GPC6: variants seen among roughly 807,000 people sequenced by gnomAD.
GPC6 encodes the protein glypican-6.
In GPC6, 14 loss-of-function variants were observed where a neutral mutation model predicts 55.2. That is an observed-to-expected ratio of 0.25 (90% CI 0.17 to 0.40). GPC6 has a LOEUF of 0.40. GPC6 is among the 10% of genes least tolerant of loss of function. GPC6 has a pLI of 1.00. For missense variants in GPC6, 641 were observed against 708.5 expected (o/e 0.90, Z 1.08); for synonymous variants, 278 against 259.6 (o/e 1.07, Z -0.68).
chr13:93,505,908 C>A (rs1469334522), intron 1 of GPC6, among the ~76,000 whole-genome samples: 1 of 152,160 alleles, frequency 6.6e-6, no homozygotes, highest in African/African-American at 2.4e-5. Flanking sequence ...ACAGGACCTG[C>A]AAACATTGAG....
intron 3 of GPC6, among the ~76,000 whole-genome samples, chr13:93,843,049 C>G (rs59283174): frequency 0.034 from 5,125 of 148,600 alleles, 265 homozygotes; most frequent in East Asian, 0.17. Flanking sequence ...ATTTTAACAT[C>G]ACATGCATTT....
At position 93,442,656 on chromosome 13, in the gene GPC6, C is replaced by A. The variant is rs550238629; in HGVS notation, c.161-102607C>A. On this transcript the variant is annotated intron_variant, in intron 1 of 8. Coordinates refer to ENST00000377047, the MANE Select transcript of GPC6 (RefSeq NM_005708.5). ...CACAGCGATGACTACGAATGTCTTT[C>A]ATTTCTTATCCCCAAACATATTATA... is the stretch of plus-strand genomic sequence containing the variant. 5.2e-3 allele frequency among the ~76,000 whole-genome samples: 786 copies of A among 152,246 alleles called. 2 individuals are homozygous for A. Among genetic ancestry groups the A allele is most frequent in the Middle Eastern group, 0.014 (4 of 294 alleles).
At chr13:94,163,927 T>C (rs2138917795) in intron 4 of GPC6, among the ~76,000 whole-genome samples, 1 of 152,200 alleles carries the variant, frequency 6.6e-6, no homozygotes, top group East Asian at 1.9e-4. Context: ...AGAATAAATA[T>C]GCAGTGTGTA....
intron 2 of GPC6, among the ~76,000 whole-genome samples, chr13:93,577,873 G>C (rs941898990): frequency 5.9e-5 from 9 of 151,930 alleles, no homozygotes; most frequent in African/African-American, 2.2e-4. Context: ...ATTATGTTGA[G>C]GTATGTTCCT....
intron 3 of GPC6, among the ~76,000 whole-genome samples, chr13:93,962,320 A>G (rs1041295346): frequency 2.0e-5 from 3 of 152,174 alleles, no homozygotes; most frequent in African/African-American, 7.2e-5. Context: ...GTTGAAATTA[A>G]TTATTGATAA....
chr13:93,365,707 G>A (rs768301573), intron 1 of GPC6, among the ~76,000 whole-genome samples: 3 of 151,898 alleles, frequency 2.0e-5, no homozygotes, highest in Non-Finnish European at 4.4e-5. Flanking sequence ...TGTGATTCTG[G>A]CAGTGGGAAA....
At chr13:93,468,727 A>G (rs1879002934) in intron 1 of GPC6, among the ~76,000 whole-genome samples, 1 of 152,226 alleles carries the variant, frequency 6.6e-6, no homozygotes. Flanking sequence ...AGAAGAAGGA[A>G]TACCTAAGGT....
intron 3 of GPC6, among the ~76,000 whole-genome samples, chr13:93,843,394 GAA>G (rs1328853693): frequency 6.6e-6 from 1 of 151,984 alleles, no homozygotes; most frequent in African/African-American, 2.4e-5. Flanking sequence ...CCATAACTTA[GAA>G]ACAGTTTTCA....
chr13:94,045,744 T>TAA (rs1594692144), intron 4 of GPC6, among the ~76,000 whole-genome samples: 1 of 132,342 alleles, frequency 7.6e-6, no homozygotes, highest in African/African-American at 2.8e-5. Flanking sequence ...TCATGGATTT[T>TAA]CAAAAAAAAA....
intron 6 of GPC6, among the ~76,000 whole-genome samples, chr13:94,318,502 G>A (rs969016178): frequency 8.5e-5 from 13 of 152,212 alleles, no homozygotes; most frequent in Middle Eastern, 6.8e-3. Flanking sequence ...TCTCTCGTGC[G>A]TGCGCTCTCT....
intron 6 of GPC6, among the ~76,000 whole-genome samples, chr13:94,351,705 C>A (rs1249344485): frequency 2.0e-5 from 3 of 152,054 alleles, no homozygotes; most frequent in Admixed American, 2.0e-4. Context: ...ATGACCTTAA[C>A]CCCCCACCCT....
At chr13:94,343,255 C>G (rs1445166413) in intron 6 of GPC6, among the ~76,000 whole-genome samples, 3 of 152,148 alleles carry the variant, frequency 2.0e-5, no homozygotes, top group African/African-American at 7.2e-5. Context: ...AAGCCCTGAA[C>G]TATAAATGAC....
At chr13:94,030,956 C>A (rs1883100006) in intron 4 of GPC6, among the ~76,000 whole-genome samples, 1 of 152,132 alleles carries the variant, frequency 6.6e-6, no homozygotes, top group Non-Finnish European at 1.5e-5. Flanking sequence ...TTTAAGCATT[C>A]CAGTAAAAAC....
intron 1 of GPC6, among the ~76,000 whole-genome samples, chr13:93,544,856 C>T (rs184522807): frequency 3.9e-5 from 6 of 152,236 alleles, no homozygotes; most frequent in Admixed American, 6.5e-5. Flanking sequence ...CAGTTATCAT[C>T]TTTTCTTGCT....
At chr13:94,279,923 A>T (rs1892324398) in intron 4 of GPC6, among the ~76,000 whole-genome samples, 2 of 152,258 alleles carry the variant, frequency 1.3e-5, no homozygotes, top group Non-Finnish European at 1.5e-5. Flanking sequence ...TACTCTGTTG[A>T]TTTGGGGTGA....
At chr13:93,780,875 T>C (rs903430701) in intron 2 of GPC6, among the ~76,000 whole-genome samples, 2 of 152,204 alleles carry the variant, frequency 1.3e-5, no homozygotes, top group African/African-American at 4.8e-5. Flanking sequence ...AGCTTGTCTT[T>C]ATTGACTGAA....
intron 2 of GPC6, among the ~76,000 whole-genome samples, chr13:93,563,207 GA>G (rs1360789057): frequency 2.0e-5 from 3 of 151,708 alleles, no homozygotes; most frequent in Admixed American, 1.3e-4. Context: ...ACTTAATTAT[GA>G]AAAAAAATGA....
At position 93,345,590 on chromosome 13, in the gene GPC6, A is replaced by G. The variant is rs966543186; in HGVS notation, c.160+117974A>G. Among the ~76,000 whole-genome samples the G allele has an allele frequency of 2.6e-5, 4 of 152,166 alleles. No individual in the cohort carries two copies. In the East Asian group the frequency reaches 7.7e-4, roughly 29 times the overall value. On this transcript the variant is annotated intron_variant, in intron 1 of 8. Coordinates refer to ENST00000377047, the MANE Select transcript of GPC6 (RefSeq NM_005708.5). Reference sequence around the variant, plus strand: ...GTAATATATTTTGTAATGTATTTGCATAACTTTTGAAAGAAAAGGAACAGA... The same window carrying G: ...GTAATATATTTTGTAATGTATTTGCGTAACTTTTGAAAGAAAAGGAACAGA...
intron 6 of GPC6, among the ~76,000 whole-genome samples, chr13:94,312,376 A>G (rs1184460447): frequency 1.3e-5 from 2 of 152,172 alleles, no homozygotes; most frequent in East Asian, 3.8e-4. Flanking sequence ...TTCTGGCATT[A>G]TTTCCTGCCT....
Sources: allele counts gnomAD v4.1 joint callset (sites outside exome capture counted in the v4.1 genomes callset), GRCh38; gene constraint gnomAD v4.1.1; transcripts MANE v1.5; gene names NCBI Gene and HGNC (gene_info 2026-07-23, HGNC 2026-07-21).